ARHGEF10: variants seen among roughly 807,000 people sequenced by gnomAD.
ARHGEF10 encodes Rho guanine nucleotide exchange factor (GEF) 10.
ARHGEF10 carries 140 observed loss-of-function variants against 147.4 expected under a neutral mutation model. That is an observed-to-expected ratio of 0.95 (90% confidence interval 0.83 to 1.09). ARHGEF10 has a LOEUF of 1.09. Ranked by LOEUF, ARHGEF10 falls within the 50% of genes least tolerant of loss-of-function variation. The pLI, the probability that ARHGEF10 is intolerant of heterozygous loss-of-function variation, is 0.00. For synonymous variants in ARHGEF10, 902 were observed against 695.8 expected (o/e 1.30, Z -4.67); for missense variants, 2,222 against 1,752.7 (o/e 1.27, Z -4.78).
At chr8:1,875,183 A>C (rs566384273) in intron 7 of ARHGEF10, among the ~76,000 whole-genome samples, 1 of 104,950 alleles carries the variant, frequency 9.5e-6, no homozygotes, top group Non-Finnish European at 2.0e-5. Context: ...GAGTGCAGAC[A>C]CACACGGGGC....
In ARHGEF10 at chr8:1,942,995, C is replaced by T. The variant is rs543321455; in HGVS notation, c.3223-2486C>T. Among the ~76,000 whole-genome samples, 10 of 152,216 alleles carry T rather than the reference C, an allele frequency of 6.6e-5. No individual in the cohort carries two copies. The Middle Eastern group carries it at 0.01, about 155-fold the overall frequency. ...AGAGTGGTTAAAGTTGGCAACTTCCCGAATATACTAAAAAGCACAGAATTG... is the reference window on the plus strand; with the variant it reads ...AGAGTGGTTAAAGTTGGCAACTTCCTGAATATACTAAAAAGCACAGAATTG... On this transcript the variant is annotated intron_variant, in intron 26 of 28. Transcript: ENST00000349830.
chr8:1,912,653 C>G (rs546190722), intron 18 of ARHGEF10, among the ~76,000 whole-genome samples: 2 of 152,334 alleles, frequency 1.3e-5, no homozygotes, highest in African/African-American at 4.8e-5. Flanking sequence ...ACTTTCCTCT[C>G]TTGCAGAGGC....
chr8:1,943,068 G>A (rs2129267612), intron 26 of ARHGEF10, among the ~76,000 whole-genome samples: 1 of 152,322 alleles, frequency 6.6e-6, no homozygotes, highest in East Asian at 1.9e-4. Flanking sequence ...ATAGCTCAGT[G>A]TTTTCAAAAG....
At chr8:1,916,849 T>C (rs1013302660) in intron 18 of ARHGEF10, among the ~76,000 whole-genome samples, 1 of 152,238 alleles carries the variant, frequency 6.6e-6, no homozygotes, top group African/African-American at 2.4e-5. Flanking sequence ...CTGTAATTCT[T>C]GTATCTGGAG....
At chr8:1,952,553 G>A (rs1357990629) in intron 27 of ARHGEF10, 152 bp from the exon 28 acceptor site, 4 of 985,422 alleles carry the variant, frequency 4.1e-6, no homozygotes, top group Non-Finnish European at 6.1e-6. Context: ...AGGGAGCCTG[G>A]TGCTCGGGTT....
chr8:1,952,739 C>T lies in ARHGEF10; in HGVS notation c.3432C>T (p.Val1144=), dbSNP rs774532143. The stretch of plus-strand genomic sequence containing the variant: ...GGCTGTCGGTGACGAGCCTGCTCGT[C>T]TGCCACGGATTGCTGATGGTCGGCA... ...HQRLSVTSLL[V]CHGLLMVGTS... is the part of the protein sequence containing the mutation. Residue 1144 remains valine (V), a synonymous_variant, in exon 28 of 29, where the codon GTC becomes GTT. Coordinates refer to ENST00000349830, the MANE Select transcript of ARHGEF10 (RefSeq NM_014629.4). 10 of 1,613,354 alleles carry T rather than the reference C, an allele frequency of 6.2e-6. No individual in the cohort carries two copies. Among genetic ancestry groups the T allele is most frequent in the Non-Finnish European group, 8.5e-6 (10 of 1,180,014 alleles).
Position 1,864,354 on chromosome 8 carries a change from A to G in ARHGEF10, c.482-19A>G, listed in dbSNP as rs779237480. ...TTTGTCAGGCGTAAAGCAGCATCACATATTTTCTTTCCCAGCAGAAACACC... is the reference window on the plus strand; with the variant it reads ...TTTGTCAGGCGTAAAGCAGCATCACGTATTTTCTTTCCCAGCAGAAACACC... On this transcript the variant is annotated intron_variant, in intron 4 of 28. Coordinates refer to ENST00000349830, the MANE Select transcript of ARHGEF10 (RefSeq NM_014629.4). The G allele has an allele frequency of 1.2e-5, 20 of 1,613,710 alleles. No homozygotes were observed. The highest frequency in any genetic ancestry group is 8.8e-5 in the South Asian group (8 of 91,084).
At chr8:1,846,010 G>A (rs900931852) in intron 2 of ARHGEF10, among the ~76,000 whole-genome samples, 3 of 152,248 alleles carry the variant, frequency 2.0e-5, no homozygotes, top group African/African-American at 4.8e-5. Context: ...GGACTGGCCA[G>A]GCCGTCCTTG....
chr8:1,954,032 G>A (rs1815279304), intron 28 of ARHGEF10, among the ~76,000 whole-genome samples: 2 of 152,176 alleles, frequency 1.3e-5, no homozygotes, highest in African/African-American at 4.8e-5. Flanking sequence ...TTTTTATTAT[G>A]ATATATGGGA....
chr8:1,926,185 C>A (rs1812677682), intron 22 of ARHGEF10, among the ~76,000 whole-genome samples, 192 bp from the exon 23 acceptor site: 1 of 152,210 alleles, frequency 6.6e-6, no homozygotes, highest in Non-Finnish European at 1.5e-5. Context: ...TAGGTGTTCA[C>A]TTCTAAAAAG....
intron 6 of ARHGEF10, among the ~76,000 whole-genome samples, chr8:1,868,177 C>G (rs1761581743): frequency 6.6e-6 from 1 of 152,206 alleles, no homozygotes; most frequent in Admixed American, 6.5e-5. Flanking sequence ...GAAAGAGCGT[C>G]TGTAATACTG....
chr8:1,925,258 C>T lies in ARHGEF10; in HGVS notation c.2489-25C>T, dbSNP rs543888798. ...CATGTGAGTTAACTGCATTCTTGCT[C>T]ATTTCTCTCTGAATATAATTGCAGA... On this transcript the variant is annotated intron_variant, in intron 21 of 28. Transcript: ENST00000349830. 159 of 1,614,064 alleles carry T rather than the reference C, an allele frequency of 9.9e-5. 1 individual carries two copies. The East Asian group carries it at 2.9e-3, about 29-fold the overall frequency.
chr8:1,878,927 A>C (rs1335080256), intron 8 of ARHGEF10, among the ~76,000 whole-genome samples: 1 of 152,108 alleles, frequency 6.6e-6, no homozygotes, highest in Non-Finnish European at 1.5e-5. Context: ...CTACACGTCC[A>C]TGTTGCCAGG....
chr8:1,897,308 T>TG (rs1223999125), intron 14 of ARHGEF10, among the ~76,000 whole-genome samples: 1 of 152,248 alleles, frequency 6.6e-6, no homozygotes, highest in Non-Finnish European at 1.5e-5. Flanking sequence ...GCACAGTCTG[T>TG]GGCCCATGGA....
chr8:1,838,333 C>G (rs1055805067), intron 1 of ARHGEF10, among the ~76,000 whole-genome samples: 2 of 152,248 alleles, frequency 1.3e-5, no homozygotes, highest in African/African-American at 2.4e-5. Flanking sequence ...TTGGGAGATG[C>G]TCCAGCCATG....
intron 26 of ARHGEF10, among the ~76,000 whole-genome samples, chr8:1,943,013 C>T (rs1487947453): frequency 2.0e-5 from 3 of 152,306 alleles, no homozygotes; most frequent in African/African-American, 4.8e-5. Flanking sequence ...CTAAAAAGCA[C>T]AGAATTGCGC....
intron 28 of ARHGEF10, among the ~76,000 whole-genome samples, chr8:1,955,344 TG>T (rs1563339751): frequency 0.019 from 2,538 of 133,632 alleles, 1 homozygote; most frequent in East Asian, 0.043. Flanking sequence ...GCACTCACTG[TG>T]TTTCTCTGGA....
chr8:1,947,280 C>G (rs1284973714), intron 27 of ARHGEF10, among the ~76,000 whole-genome samples: 2 of 152,210 alleles, frequency 1.3e-5, no homozygotes, highest in African/African-American at 4.8e-5. Context: ...GCTCCAGCAC[C>G]CGAGCCTCCA....
In ARHGEF10 at chr8:1,865,345, C is replaced by T. The variant is rs558127963; in HGVS notation, c.545+909C>T. ...CCGTCACCAGGACACAGGGCATCCC[C>T]CAGCACCCATGAGGCCATCACCAGG... On this transcript the variant is annotated intron_variant, in intron 5 of 28. Coordinates refer to ENST00000349830, the MANE Select transcript of ARHGEF10 (RefSeq NM_014629.4). 6.6e-5 allele frequency among the ~76,000 whole-genome samples: 10 copies of T among 151,336 alleles called. No individual in the cohort carries two copies. In the South Asian group the frequency reaches 2.1e-3, roughly 32 times the overall value.
Sources: gnomAD v4.1 joint callset for allele counts (sites outside exome capture counted in the v4.1 genomes callset) on GRCh38, gnomAD v4.1.1 for gene constraint, MANE v1.5 for transcripts, NCBI Gene and HGNC (gene_info 2026-07-23, HGNC 2026-07-21) for gene names.